The following CUL4A variants were observed in gnomAD, a reference collection of about 807,000 sequenced individuals.
CUL4A encodes cullin 4A, also known as cullin-4A.
In CUL4A, 16 loss-of-function variants were observed where a neutral mutation model predicts 95.5. That is an observed-to-expected ratio of 0.17 (90% CI 0.11 to 0.25). The LOEUF (loss-of-function observed/expected upper bound fraction) is 0.25. Ranked by LOEUF, CUL4A falls within the 10% of genes least tolerant of loss-of-function variation. The pLI, the probability that CUL4A is intolerant of heterozygous loss-of-function variation, is 1.00. For missense variants in CUL4A, 610 were observed against 937.0 expected (o/e 0.65, Z 4.56); for synonymous variants, 380 against 353.1 (o/e 1.08, Z -0.85).
intron 1 of CUL4A, 97 bp from the exon 2 acceptor site, chr13:113,209,876 G>T: frequency 1.7e-6 from 2 of 1,145,558 alleles, no homozygotes; most frequent in South Asian, 3.3e-5. Context: ...TGCGGGCCCC[G>T]GGAGCGGGGG....
intron 2 of CUL4A, among the ~76,000 whole-genome samples, chr13:113,213,695 T>A (rs2040537642): frequency 6.6e-6 from 1 of 152,218 alleles, no homozygotes; most frequent in Admixed American, 6.5e-5. Flanking sequence ...TGAACAATGT[T>A]TGTAGGTGCC....
intron 8 of CUL4A, 56 bp downstream of exon 8, chr13:113,235,201 C>A: frequency 2.5e-6 from 3 of 1,221,560 alleles, no homozygotes; most frequent in Non-Finnish European, 3.6e-6. Flanking sequence ...GGAAGGTTCT[C>A]CTGGCTGGTT....
At chr13:113,251,181 A>G (rs2041986075) in intron 15 of CUL4A, among the ~76,000 whole-genome samples, 1 of 152,142 alleles carries the variant, frequency 6.6e-6, no homozygotes. Context: ...ATGCTGGTAG[A>G]GCTAAGAGGG....
At chr13:113,219,289 A>G (rs1395028765) in intron 3 of CUL4A, 1 of 398,238 alleles carries the variant, frequency 2.5e-6, no homozygotes, top group East Asian at 4.5e-5. Flanking sequence ...TGTTCTGAAA[A>G]ATGTCTTCAA....
chr13:113,210,153 G>A (rs1285401571), intron 2 of CUL4A, 65 bp downstream of exon 2: 6 of 1,155,824 alleles, frequency 5.2e-6, no homozygotes, highest in African/African-American at 4.9e-5. Flanking sequence ...CGGCCGGGCG[G>A]CCGCTCCGGG....
chr13:113,260,120 C>T (rs549496375), intron 18 of CUL4A, among the ~76,000 whole-genome samples: 18 of 141,430 alleles, frequency 1.3e-4, no homozygotes, highest in Non-Finnish European at 2.6e-4. Context: ...AGGAGAATGG[C>T]GTGAACCCGG....
At chr13:113,214,058 G>A (rs1045593493) in intron 2 of CUL4A, among the ~76,000 whole-genome samples, 1 of 152,208 alleles carries the variant, frequency 6.6e-6, no homozygotes, top group Non-Finnish European at 1.5e-5. Flanking sequence ...TAGGTGGGGT[G>A]GTGTATACTT....
intron 9 of CUL4A, among the ~76,000 whole-genome samples, chr13:113,238,286 A>T (rs2041608717): frequency 6.6e-6 from 1 of 152,112 alleles, no homozygotes; most frequent in African/African-American, 2.4e-5. Context: ...CCAAAAAAAT[A>T]AAAATAAAAT....
chr13:113,209,968 T>G lies in CUL4A; in HGVS notation c.149-5T>G. 2 of 1,501,334 alleles carry G rather than the reference T, an allele frequency of 1.3e-6. No individual in the cohort carries two copies. The highest frequency in any genetic ancestry group is 1.5e-5 in the African/African-American group (1 of 68,414). 93.0% of individuals were successfully genotyped at this position (1,501,334 alleles called of 1,614,324 possible). A position where few individuals can be genotyped will look rare whatever the true frequency, so the allele number is the denominator to read the frequency against. ...TGAGCCGCCCGCTCTCCCTCCGCCC[T>G]GCAGACAGACCTCGGCTGCCCGACA... On this transcript the variant is annotated splice_region_variant and splice_polypyrimidine_tract_variant and intron_variant, in intron 1 of 19. Transcript: ENST00000375440.
At chr13:113,261,787 T>G (rs2042285594) in intron 19 of CUL4A, among the ~76,000 whole-genome samples, 1 of 147,834 alleles carries the variant, frequency 6.8e-6, no homozygotes, top group East Asian at 2.0e-4. Flanking sequence ...GGTAGTTGGG[T>G]TTTTTTTTTC....
rs1254630193 is a variant in CUL4A at position 113,228,018 on chromosome 13, G to C, written c.411G>C (p.Thr137=). 1.2e-6 allele frequency: 2 copies of C among 1,613,458 alleles called. No homozygotes were observed. The highest frequency in any genetic ancestry group is 2.7e-5 in the African/African-American group (2 of 74,960). ...DSVLFLKKIN[T]CWQDHCRQMI... ...TTTTATTTTTAAAGAAGATTAACAC[G>C]TGCTGGCAGGACCACTGCAGACAAA... is the stretch of plus-strand genomic sequence containing the variant. The change falls in exon 4 of 20, where the codon ACG becomes ACC. Residue 137 remains threonine (T), a synonymous_variant. Transcript: ENST00000375440.
In CUL4A at chr13:113,243,013, A is replaced by G; in HGVS notation, c.1081A>G (p.Met361Val). 1.2e-6 allele frequency: 2 copies of G among 1,613,424 alleles called. No homozygotes were observed. The highest frequency in any genetic ancestry group is 1.3e-5 in the African/African-American group (1 of 75,036). Residue 361 changes from methionine (M) to valine (V), a missense_variant, in exon 11 of 20, where the codon ATG becomes GTG. Met to Val is a conservative substitution (Grantham distance 21). Transcript: ENST00000375440. ...AATCAATCCTGAGAAAGACAAAGAC[A>G]TGGTCCAAGACCTGTTGGACTTCAA... ...IVINPEKDKD[M>V]VQDLLDFKDK...
At chr13:113,262,381 C>G (rs1201209716) in intron 19 of CUL4A, among the ~76,000 whole-genome samples, 1 of 152,170 alleles carries the variant, frequency 6.6e-6, no homozygotes, top group African/African-American at 2.4e-5. Context: ...GCCAGGCGCA[C>G]TGCCTCACGC....
At chr13:113,247,160 G>A (rs1224680980) in intron 15 of CUL4A, among the ~76,000 whole-genome samples, 2 of 152,080 alleles carry the variant, frequency 1.3e-5, no homozygotes, top group Non-Finnish European at 1.5e-5. Context: ...CATTACCACA[G>A]GGAGGGCGCC....
At chr13:113,253,836 G>A (rs1448536948) in intron 16 of CUL4A, among the ~76,000 whole-genome samples, 2 of 152,076 alleles carry the variant, frequency 1.3e-5, no homozygotes, top group Non-Finnish European at 2.9e-5. Flanking sequence ...CTTATGAAAC[G>A]GCAATTATAT....
intron 3 of CUL4A, among the ~76,000 whole-genome samples, chr13:113,223,334 T>C (rs572911234): frequency 1.3e-5 from 2 of 152,222 alleles, no homozygotes; most frequent in Non-Finnish European, 2.9e-5. Context: ...AGATTTCTTT[T>C]GCCTCTGGGA....
At chr13:113,251,844 A>G (rs1259396139) in intron 15 of CUL4A, among the ~76,000 whole-genome samples, 1 of 152,196 alleles carries the variant, frequency 6.6e-6, no homozygotes, top group African/African-American at 2.4e-5. Flanking sequence ...CAGTGAAAGA[A>G]TGGACCCATA....
intron 7 of CUL4A, among the ~76,000 whole-genome samples, chr13:113,234,375 T>TA (rs2041466750): frequency 6.6e-6 from 1 of 152,050 alleles, no homozygotes; most frequent in African/African-American, 2.4e-5. Flanking sequence ...AAAAAACATG[T>TA]AGTAGTAATA....
chr13:113,236,961 C>T (rs1377573164), intron 9 of CUL4A, 71 bp downstream of exon 9: 36 of 1,016,578 alleles, frequency 3.5e-5, no homozygotes, highest in Non-Finnish European at 5.3e-5. Context: ...GTAAAGGGGG[C>T]ATTACAAATA....
Sources: gnomAD v4.1 joint callset for allele counts (sites outside exome capture counted in the v4.1 genomes callset) on GRCh38, gnomAD v4.1.1 for gene constraint, MANE v1.5 for transcripts, NCBI Gene and HGNC (gene_info 2026-07-23, HGNC 2026-07-21) for gene names.